WWOX: variants seen among roughly 807,000 people sequenced by gnomAD.
WWOX encodes WW domain-containing oxidoreductase.
In WWOX, 69 loss-of-function variants were observed where a neutral mutation model predicts 46.2. The observed-to-expected ratio is 1.49, with a 90% CI of 1.23 to 1.82. WWOX has a LOEUF of 1.82. Ranked by LOEUF, WWOX falls within the 40% of genes most tolerant of loss-of-function variation. The pLI is 0.00. For synonymous variants in WWOX, 359 were observed against 202.6 expected, an observed-to-expected ratio of 1.77 and a Z score of -6.56; for missense variants, 919 against 542.6, an observed-to-expected ratio of 1.69 and a Z score of -6.89.
chr16:78,880,650 G>C (rs2044323468), intron 8 of WWOX, among the ~76,000 whole-genome samples: 1 of 152,184 alleles, frequency 6.6e-6, no homozygotes, highest in Non-Finnish European at 1.5e-5. Flanking sequence ...TATTATTGGT[G>C]AGGGAATTCA....
chr16:78,517,710 A>G (rs1175576167), intron 8 of WWOX, among the ~76,000 whole-genome samples: 1 of 151,996 alleles, frequency 6.6e-6, no homozygotes, highest in Non-Finnish European at 1.5e-5. Flanking sequence ...CGTTGACTTC[A>G]TGTTGGGACG....
chr16:78,756,597 C>A (rs979741827), intron 8 of WWOX, among the ~76,000 whole-genome samples: 4 of 152,186 alleles, frequency 2.6e-5, no homozygotes, highest in African/African-American at 9.7e-5. Flanking sequence ...ATGAGAGTTT[C>A]ATTGGTTACT....
intron 5 of WWOX, among the ~76,000 whole-genome samples, chr16:78,386,482 G>A (rs1453379095): frequency 1.3e-5 from 2 of 152,156 alleles, no homozygotes; most frequent in African/African-American, 2.4e-5. Flanking sequence ...TTAAGATATT[G>A]TCCATTGCAT....
intron 8 of WWOX, among the ~76,000 whole-genome samples, chr16:78,948,092 G>A (rs552998756): frequency 1.4e-4 from 21 of 152,308 alleles, no homozygotes; most frequent in African/African-American, 3.8e-4. Flanking sequence ...AACTCCATCC[G>A]TGCAGCTGCT....
chr16:78,116,845 A>C (rs558225436), intron 4 of WWOX, among the ~76,000 whole-genome samples: 5 of 152,222 alleles, frequency 3.3e-5, no homozygotes, highest in Admixed American at 3.3e-4. Flanking sequence ...TTTTTCTGTA[A>C]TGAGTAAGAT....
At chr16:78,131,477 A>G (rs2033591005) in intron 4 of WWOX, among the ~76,000 whole-genome samples, 1 of 152,148 alleles carries the variant, frequency 6.6e-6, no homozygotes, top group South Asian at 2.1e-4. Context: ...AGCCTCCCAA[A>G]GTACTGGGAT....
chr16:79,103,756 A>G (rs1362632150), intron 8 of WWOX, among the ~76,000 whole-genome samples: 1 of 152,142 alleles, frequency 6.6e-6, no homozygotes, highest in Non-Finnish European at 1.5e-5. Flanking sequence ...CGTTCAAGGC[A>G]TTCAGTTTCT....
intron 8 of WWOX, among the ~76,000 whole-genome samples, chr16:78,553,990 G>A (rs2044231645): frequency 6.6e-6 from 1 of 152,090 alleles, no homozygotes; most frequent in Non-Finnish European, 1.5e-5. Flanking sequence ...AGGAGTGGAA[G>A]TGTTTTTCTG....
rs1223238404 is a variant in WWOX, at chr16:79,013,430, A to AT, written c.1057-198171dup. Among the ~76,000 whole-genome samples, 13 of 152,078 alleles carry AT rather than the reference A, an allele frequency of 8.5e-5. No individual in the cohort carries two copies. In the South Asian group the frequency reaches 1.7e-3, roughly 19 times the overall value. On this transcript the variant is annotated intron_variant, in intron 8 of 8. Coordinates refer to ENST00000566780, the MANE Select transcript of WWOX (RefSeq NM_016373.4). ...TAACTCTTTTATCTTCCCTGGAGTT[A>AT]TTTTTTTCCCTTCTTTGTTTCTCTT...
intron 8 of WWOX, among the ~76,000 whole-genome samples, chr16:78,612,793 C>A (rs2045931480): frequency 6.6e-6 from 1 of 152,254 alleles, no homozygotes; most frequent in African/African-American, 2.4e-5. Flanking sequence ...AATTTTTTCA[C>A]CTACAAAATG....
At chr16:78,772,931 G>A (rs1371225386) in intron 8 of WWOX, among the ~76,000 whole-genome samples, 1 of 152,094 alleles carries the variant, frequency 6.6e-6, no homozygotes, top group African/African-American at 2.4e-5. Context: ...AGGTGGAGGT[G>A]GGAGGATTGC....
intron 8 of WWOX, among the ~76,000 whole-genome samples, chr16:78,479,873 C>G (rs115098644): frequency 6.6e-6 from 1 of 152,076 alleles, no homozygotes; most frequent in East Asian, 1.9e-4. Context: ...GTTGACCCAG[C>G]GGGGCTGCAT....
intron 8 of WWOX, among the ~76,000 whole-genome samples, chr16:78,505,542 T>C (rs2085175409): frequency 6.6e-6 from 1 of 152,188 alleles, no homozygotes; most frequent in South Asian, 2.1e-4. Context: ...TAGACTCTGC[T>C]GGGCTCTAGA....
At chr16:79,093,408 G>A (rs1485921003) in intron 8 of WWOX, among the ~76,000 whole-genome samples, 2 of 152,078 alleles carry the variant, frequency 1.3e-5, no homozygotes, top group Non-Finnish European at 2.9e-5. Context: ...AATGTTCAGT[G>A]GCTTATTGTG....
At chr16:78,675,927 G>A (rs1278407453) in intron 8 of WWOX, among the ~76,000 whole-genome samples, 2 of 152,160 alleles carry the variant, frequency 1.3e-5, no homozygotes, top group South Asian at 2.1e-4. Context: ...AAAGAAGTGG[G>A]AAAAAATTTA....
chr16:78,587,296 G>C (rs1195110532), intron 8 of WWOX, among the ~76,000 whole-genome samples: 2 of 148,818 alleles, frequency 1.3e-5, no homozygotes, highest in East Asian at 2.0e-4. Context: ...GCCTCCCACA[G>C]TATTGGGATT....
At chr16:79,123,467 G>C (rs1296748923) in intron 8 of WWOX, among the ~76,000 whole-genome samples, 2 of 152,120 alleles carry the variant, frequency 1.3e-5, no homozygotes, top group African/African-American at 4.8e-5. Flanking sequence ...TTTCCTGCTT[G>C]CCAGACACTG....
chr16:78,255,337 A>G (rs2151831868), intron 5 of WWOX, among the ~76,000 whole-genome samples: 1 of 152,352 alleles, frequency 6.6e-6, no homozygotes, highest in East Asian at 1.9e-4. Flanking sequence ...AAAGGAACAT[A>G]ATGAATAAAC....
intron 8 of WWOX, among the ~76,000 whole-genome samples, chr16:78,528,016 TGA>T (rs2043522235): frequency 1.0e-5 from 1 of 95,522 alleles, no homozygotes; most frequent in Admixed American, 1.3e-4. Context: ...TTTTTTTTTT[TGA>T]GACGGAGTCT....
Sources: gnomAD v4.1 joint callset for allele counts (sites outside exome capture counted in the v4.1 genomes callset) on GRCh38, gnomAD v4.1.1 for gene constraint, MANE v1.5 for transcripts, NCBI Gene and HGNC (gene_info 2026-07-23, HGNC 2026-07-21) for gene names.